RAD54L2: variants seen among roughly 807,000 people sequenced by gnomAD.
The protein encoded by RAD54L2 is RAD54 like 2.
RAD54L2 carries 27 observed loss-of-function variants against 138.4 expected under a neutral mutation model. The observed-to-expected ratio is 0.20, with a 90% CI of 0.14 to 0.27. The LOEUF is 0.27. Among genes scored for constraint, RAD54L2 ranks in the 10% least tolerant of loss-of-function variants. RAD54L2 has a pLI of 1.00. For synonymous variants in RAD54L2, 644 were observed against 723.2 expected, an observed-to-expected ratio of 0.89 and a Z score of 1.76; for missense variants, 1,396 against 1,890.2, an observed-to-expected ratio of 0.74 and a Z score of 4.85.
At chr3:51,652,443 G>A (rs1340637877) in intron 19 of RAD54L2, among the ~76,000 whole-genome samples, 3 of 152,060 alleles carry the variant, frequency 2.0e-5, no homozygotes, top group Non-Finnish European at 4.4e-5. Context: ...AGTTCATATG[G>A]AACCAAAAAA....
chr3:51,636,233 T>A (rs969860194), intron 10 of RAD54L2, among the ~76,000 whole-genome samples: 2 of 152,250 alleles, frequency 1.3e-5, no homozygotes, highest in African/African-American at 2.4e-5. Context: ...ACCATTCCTG[T>A]CATAGTTCTA....
chr3:51,632,985 C>T (rs921224878), intron 7 of RAD54L2, among the ~76,000 whole-genome samples: 3 of 151,614 alleles, frequency 2.0e-5, no homozygotes, highest in East Asian at 1.9e-4. Context: ...TTTGAGAGAC[C>T]GAGGGGGGCA....
intron 6 of RAD54L2, 81 bp downstream of exon 6, chr3:51,630,469 C>T: frequency 7.7e-7 from 1 of 1,300,638 alleles, no homozygotes; most frequent in Non-Finnish European, 1.1e-6. Context: ...AGAGTCCAGT[C>T]CTTCCTCCTT....
At chr3:51,644,887 A>G in intron 16 of RAD54L2, 137 bp from the exon 17 acceptor site, 1 of 818,876 alleles carries the variant, frequency 1.2e-6, no homozygotes, top group Non-Finnish European at 2.0e-6. Context: ...TATCAGCAGG[A>G]CAGCAAAATC....
chr3:51,628,094 A>G (rs1365650799), intron 4 of RAD54L2, among the ~76,000 whole-genome samples: 2 of 152,080 alleles, frequency 1.3e-5, no homozygotes, highest in Non-Finnish European at 2.9e-5. Context: ...ACAAGAGGAG[A>G]CTTTATAAAG....
chr3:51,658,072 G>T (rs551463138), intron 21 of RAD54L2, among the ~76,000 whole-genome samples: 1 of 151,652 alleles, frequency 6.6e-6, no homozygotes, highest in East Asian at 1.9e-4. Flanking sequence ...CTACAGGCAT[G>T]CGCCACCACG....
chr3:51,641,327 T>C (rs1232796900), intron 14 of RAD54L2, among the ~76,000 whole-genome samples: 4 of 137,406 alleles, frequency 2.9e-5, no homozygotes, highest in Non-Finnish European at 6.4e-5. Context: ...CTTTTTTTTT[T>C]TTTTCTCCTG....
At chr3:51,539,090 G>A (rs1553670737) in intron 1 of RAD54L2, among the ~76,000 whole-genome samples, 175 bp downstream of exon 1, 1 of 152,218 alleles carries the variant, frequency 6.6e-6, no homozygotes, top group Non-Finnish European at 1.5e-5. Flanking sequence ...AAACTCCAGT[G>A]GCCGGAGGCT....
chr3:51,566,831 T>G (rs1699230494), intron 2 of RAD54L2, among the ~76,000 whole-genome samples: 1 of 152,102 alleles, frequency 6.6e-6, no homozygotes, highest in South Asian at 2.1e-4. Flanking sequence ...ACCACTTTAG[T>G]TTTGGTTAAT....
intron 1 of RAD54L2, 157 bp from the exon 2 acceptor site, chr3:51,541,432 G>A (rs1698545562): frequency 2.0e-5 from 3 of 152,150 alleles, no homozygotes; most frequent in Admixed American, 6.5e-5. Flanking sequence ...ACAAACCACA[G>A]GTAAAACATT....
At position 51,638,175 on chromosome 3, in the gene RAD54L2, C is replaced by T; in HGVS notation, c.1714C>T (p.Pro572Ser). 6.2e-7 allele frequency: 1 copy of T among 1,613,982 alleles called. No individual in the cohort carries two copies. Among genetic ancestry groups the T allele is most frequent in the Non-Finnish European group, 8.5e-7 (1 of 1,179,880 alleles). The change falls in exon 12 of 23, where the codon CCT becomes TCT. Residue 572 changes from proline (P) to serine (S), a missense_variant. Pro to Ser is a moderately conservative substitution (Grantham distance 74, BLOSUM62 -1). This residue lies in a region of RAD54L2 where 211 missense variants were observed against 273.8 expected (regional missense o/e 0.77). Coordinates refer to ENST00000684192, the MANE Select transcript of RAD54L2 (RefSeq NM_015106.4). This position sits in a 1 kb window ranked among gnomAD's most constrained non-coding sequence, Gnocchi z 4.3. The part of the protein sequence containing the change: ...RGHTVLKIHL[P>S]AKEENVILVR... ...CCACACTGTGCTGAAGATTCATCTCCCTGCCAAGGAAGAAAATGTGATCCT... is the reference window on the plus strand; with the variant it reads ...CCACACTGTGCTGAAGATTCATCTCTCTGCCAAGGAAGAAAATGTGATCCT...
At chr3:51,652,909 A>G (rs1017955392) in intron 19 of RAD54L2, among the ~76,000 whole-genome samples, 1 of 152,246 alleles carries the variant, frequency 6.6e-6, no homozygotes, top group Non-Finnish European at 1.5e-5. Context: ...TAATGGCAAT[A>G]AAAGCCAAAA....
chr3:51,598,252 G>T (rs990722297), intron 3 of RAD54L2, among the ~76,000 whole-genome samples: 1 of 151,426 alleles, frequency 6.6e-6, no homozygotes, highest in African/African-American at 2.4e-5. Context: ...AATGGTGCAT[G>T]TGTTAGGCCT....
rs774504799 is a variant in RAD54L2 at position 51,663,154 on chromosome 3, C to T, written c.4138C>T (p.Pro1380Ser). The T allele has an allele frequency of 3.7e-6, 6 of 1,614,008 alleles. No homozygotes were observed. The Admixed American group carries it at 1.0e-4, about 27-fold the overall frequency. The stretch of plus-strand genomic sequence containing the variant: ...CAACCCTTCTGTGCCAGGGATACTA[C>T]CCAGCTATTCACTCCCATTCTCACA... ...MLNPSVPGIL[P>S]SYSLPFSQPL... The change falls in exon 23 of 23, where the codon CCC becomes TCC. Residue 1380 changes from proline to serine, a missense_variant. Around this residue, in one of 7 missense-constraint regions of RAD54L2, gnomAD observed 634 missense variants for 711.2 expected, o/e 0.89. Transcript: ENST00000684192.
intron 3 of RAD54L2, among the ~76,000 whole-genome samples, chr3:51,626,436 C>CTTTCTTTTTTTTTTT (rs1700687005): frequency 2.5e-5 from 1 of 39,392 alleles, no homozygotes; most frequent in Non-Finnish European, 4.1e-5. Context: ...CCCCAACGAT[C>CTTTCTTTTTTTTTTT]TTTTTTTTTT....
intron 3 of RAD54L2, among the ~76,000 whole-genome samples, chr3:51,592,677 C>G (rs752127681): frequency 1.3e-5 from 2 of 151,608 alleles, no homozygotes; most frequent in African/African-American, 2.4e-5. Context: ...CAGGTTCTAG[C>G]AATTCTCCTG....
At position 51,637,998 on chromosome 3, in the gene RAD54L2, C is replaced by T. The variant is rs756711810; in HGVS notation, c.1683-146C>T. 1.1e-5 allele frequency: 8 copies of T among 727,162 alleles called. No individual in the cohort carries two copies. Among genetic ancestry groups the T allele is most frequent in the Non-Finnish European group, 1.8e-5 (8 of 451,736 alleles). The allele number at this position is 727,162 out of a possible 1,614,324, so 45.0% of individuals were successfully genotyped here. ...GGTGAGTTTCTTCTTGGTTGTTGAACCACTCTGCATTATTGCAAGGCTGCA... is the reference window on the plus strand; with the variant it reads ...GGTGAGTTTCTTCTTGGTTGTTGAATCACTCTGCATTATTGCAAGGCTGCA... On this transcript the variant is annotated intron_variant, in intron 11 of 22. Transcript: ENST00000684192. This position sits in a 1 kb window ranked among gnomAD's most constrained non-coding sequence, Gnocchi z 5.9.
intron 2 of RAD54L2, among the ~76,000 whole-genome samples, chr3:51,553,776 A>G (rs1400065844): frequency 1.3e-5 from 2 of 152,164 alleles, no homozygotes; most frequent in Admixed American, 6.6e-5. Context: ...AGTCAGCAGT[A>G]TGCTATCATT....
chr3:51,577,760 G>A (rs1169609614), intron 2 of RAD54L2, among the ~76,000 whole-genome samples: 5 of 151,958 alleles, frequency 3.3e-5, no homozygotes, highest in East Asian at 1.9e-4. Context: ...CTCACACTCC[G>A]TGGGCTCCAC....
Sources: allele counts gnomAD v4.1 joint callset (sites outside exome capture counted in the v4.1 genomes callset), GRCh38; gene constraint gnomAD v4.1.1; regional missense constraint gnomAD v4.1.1; non-coding constraint Gnocchi (gnomAD v3.1); transcripts MANE v1.5; gene names NCBI Gene and HGNC (gene_info 2026-07-23, HGNC 2026-07-21).